Variants in ACAP1 observed in about 807,000 individuals in gnomAD.
ACAP1 encodes the protein arf-GAP with coiled-coil, ANK repeat and PH domain-containing protein 1.
ACAP1 carries 45 observed loss-of-function variants against 98.8 expected under a neutral mutation model. That is an observed-to-expected ratio of 0.46 (90% CI 0.36 to 0.58). The LOEUF (loss-of-function observed/expected upper bound fraction) is 0.58, where lower values mean the gene tolerates loss of function less well. Ranked by LOEUF, ACAP1 falls within the 20% of genes least tolerant of loss-of-function variation. The pLI is 0.00. For missense variants in ACAP1, 735 were observed against 971.4 expected, an observed-to-expected ratio of 0.76 and a Z score of 3.24; for synonymous variants, 362 against 375.3, an observed-to-expected ratio of 0.96 and a Z score of 0.41.
chr17:7,336,617 C>T lies in ACAP1; in HGVS notation c.-118C>T, dbSNP rs186935110. On this transcript the variant is annotated 5_prime_UTR_variant, in exon 1 of 22. Coordinates refer to ENST00000158762, the MANE Select transcript of ACAP1 (RefSeq NM_014716.4). ...AATTGTGCCCCCAGGCCCTTCCCCG[C>T]GGAGGTCCCTCTCCTCCTTCCCCCT... The T allele has an allele frequency of 1.4e-4, 152 of 1,067,304 alleles. No individual in the cohort carries two copies. The Middle Eastern group carries it at 2.9e-3, about 20-fold the overall frequency. The allele number at this position is 1,067,304 out of a possible 1,614,324, so 66.1% of individuals were successfully genotyped here.
intron 2 of ACAP1, among the ~76,000 whole-genome samples, chr17:7,340,431 G>A (rs902297996): frequency 2.6e-5 from 4 of 152,166 alleles, no homozygotes; most frequent in Non-Finnish European, 2.9e-5. Context: ...ACTCATCTAA[G>A]GGGGAGGGGC....
chr17:7,342,907 CAAAAAAAA>C (rs35515243), intron 5 of ACAP1: 8 of 69,044 alleles, frequency 1.2e-4, no homozygotes, highest in East Asian at 9.9e-4. Context: ...GACTCTGCCT[CAAAAAAAA>C]AAAAAAAAAA....
At chr17:7,337,487 A>G in intron 2 of ACAP1, 118 bp downstream of exon 2, 2 of 954,274 alleles carry the variant, frequency 2.1e-6, no homozygotes, top group South Asian at 2.9e-5. Flanking sequence ...TGTAGGGGAG[A>G]TATTTTGGAG....
In ACAP1 at chr17:7,350,934, A is replaced by C. The variant is rs769819034; in HGVS notation, c.2073-16A>C. The C allele has an allele frequency of 1.2e-6, 2 of 1,613,988 alleles. No individual in the cohort carries two copies. Among genetic ancestry groups the C allele is most frequent in the Non-Finnish European group, 1.7e-6 (2 of 1,179,910 alleles). ...CAAAGATAGTGTCGTTCATTTCTTAATTCCCTCCTCTTCAGGCTACGACTG... is the reference window on the plus strand; with the variant it reads ...CAAAGATAGTGTCGTTCATTTCTTACTTCCCTCCTCTTCAGGCTACGACTG... On this transcript the variant is annotated splice_polypyrimidine_tract_variant and intron_variant, in intron 20 of 21. Coordinates refer to ENST00000158762, the MANE Select transcript of ACAP1 (RefSeq NM_014716.4). This position sits in a 1 kb window ranked among gnomAD's most constrained non-coding sequence, Gnocchi z 4.6.
At chr17:7,345,023 G>A (rs1027404264) in intron 10 of ACAP1, among the ~76,000 whole-genome samples, 3 of 152,186 alleles carry the variant, frequency 2.0e-5, no homozygotes, top group Non-Finnish European at 4.4e-5. Flanking sequence ...TAGCTGGGGA[G>A]TTGGAAGAGC....
At position 7,336,575 on chromosome 17, in the gene ACAP1, T is replaced by A; in HGVS notation, c.-160T>A. The A allele has an allele frequency of 1.4e-4, 93 of 662,312 alleles. No homozygotes were observed. The highest frequency in any genetic ancestry group is 2.0e-4 in the East Asian group (7 of 34,326). 41.0% of individuals were successfully genotyped at this position (662,312 alleles called of 1,614,324 possible). A position where few individuals can be genotyped will look rare whatever the true frequency, so the allele number is the denominator to read the frequency against. On this transcript the variant is annotated 5_prime_UTR_variant, in exon 1 of 22. Coordinates refer to ENST00000158762, the MANE Select transcript of ACAP1 (RefSeq NM_014716.4). Reference sequence around the variant, plus strand: ...GTGAGAGCTCCTCCTAGGACACCCCTTTCCCCTTGGGGAAAGAATTGTGCC... The same window carrying A: ...GTGAGAGCTCCTCCTAGGACACCCCATTCCCCTTGGGGAAAGAATTGTGCC...
At position 7,344,100 on chromosome 17, in the gene ACAP1, A is replaced by C. The variant is rs919213408; in HGVS notation, c.721A>C (p.Arg241=). 6 of 1,584,182 alleles carry C rather than the reference A, an allele frequency of 3.8e-6. No individual in the cohort carries two copies. In the African/African-American group the frequency reaches 6.8e-5, roughly 18 times the overall value. Residue 241 remains arginine (R), a synonymous_variant, in exon 9 of 22, where the codon AGA becomes CGA. Transcript: ENST00000158762. This position sits in a 1 kb window ranked among gnomAD's most constrained non-coding sequence, Gnocchi z 4.9. The stretch of plus-strand genomic sequence containing the variant: ...ACGAGAGAAGAGGGACATGGAGCAG[A>C]GACACGTGCTGCTGAAACAGAAGGT... ...SAREKRDMEQ[R]HVLLKQKELG...
chr17:7,337,394 C>T (rs748371752), intron 2 of ACAP1, 25 bp downstream of exon 2: 1 of 1,610,676 alleles, frequency 6.2e-7, no homozygotes, highest in Non-Finnish European at 8.5e-7. Flanking sequence ...GAGAGGTGAC[C>T]CAGGAGTGGA....
In ACAP1 at chr17:7,336,705, G is replaced by A. The variant is rs779651586; in HGVS notation, c.-30G>A. 1.2e-6 allele frequency: 2 copies of A among 1,613,596 alleles called. No homozygotes were observed. Among genetic ancestry groups the A allele is most frequent in the Non-Finnish European group, 1.7e-6 (2 of 1,179,728 alleles). ...CATCCCCAGGGGCCCGGCCTCCAGG[G>A]CCCGCTGGCCCCACAGCAGGCAAGC... On this transcript the variant is annotated 5_prime_UTR_variant, in exon 1 of 22. Coordinates refer to ENST00000158762, the MANE Select transcript of ACAP1 (RefSeq NM_014716.4).
chr17:7,348,078 C>T, intron 15 of ACAP1, 49 bp from the exon 16 acceptor site: 1 of 1,610,670 alleles, frequency 6.2e-7, no homozygotes, highest in Non-Finnish European at 8.5e-7. Context: ...CCTGAGGAGT[C>T]ACTCACCCCC....
In ACAP1 at chr17:7,343,452, C is replaced by A; in HGVS notation, c.418C>A (p.His140Asn). 1 of 1,614,132 alleles carries A rather than the reference C, an allele frequency of 6.2e-7. No homozygotes were observed. Among genetic ancestry groups the A allele is most frequent in the Non-Finnish European group, 8.5e-7 (1 of 1,180,028 alleles). Residue 140 changes from histidine (H) to asparagine (N), a missense_variant, in exon 6 of 22, where the codon CAC (histidine) becomes AAC (asparagine). Coordinates refer to ENST00000158762, the MANE Select transcript of ACAP1 (RefSeq NM_014716.4). This position sits in a 1 kb window ranked among gnomAD's most constrained non-coding sequence, Gnocchi z 4.9. ...TGAGAGCCTGGAGGCTGCCCTGACC[C>A]ACAACGCAGAGGTTCCCAGGCGCCG... Reference protein sequence around the residue: ...GAESLEAALTHNAEVPRRRAQ... With the variant: ...GAESLEAALTNNAEVPRRRAQ...
chr17:7,346,997 C>A (rs1239899874), intron 13 of ACAP1, 34 bp from the exon 14 acceptor site: 2 of 1,570,558 alleles, frequency 1.3e-6, no homozygotes, highest in African/African-American at 2.7e-5. Flanking sequence ...ACCCTAGGCC[C>A]CTTGGCCACC....
Position 7,341,233 on chromosome 17 carries a change from C to G in ACAP1, c.112-715C>G, listed in dbSNP as rs570917208. Among the ~76,000 whole-genome samples the G allele has an allele frequency of 2.6e-5, 4 of 152,308 alleles. No individual in the cohort carries two copies. In the East Asian group the frequency reaches 7.7e-4, roughly 29 times the overall value. On this transcript the variant is annotated intron_variant, in intron 2 of 21. Transcript: ENST00000158762. Reference sequence around the variant, plus strand: ...TAGCGCCATCTCGGCTCACTGCAGCCTTGACCTCCCGGATTCAGGCAGTCC... The same window carrying G: ...TAGCGCCATCTCGGCTCACTGCAGCGTTGACCTCCCGGATTCAGGCAGTCC...
chr17:7,339,009 G>T (rs902880534), intron 2 of ACAP1, among the ~76,000 whole-genome samples: 1 of 151,882 alleles, frequency 6.6e-6, no homozygotes, highest in African/African-American at 2.4e-5. Context: ...CAATAAACTC[G>T]GCCAGGTGTG....
rs2073389052 is a variant in ACAP1 at position 7,350,149 on chromosome 17, CGGGGAGCTGATCTGGG to C, written c.1987_2002del (p.Gly663LeufsTer10). On this transcript the variant is annotated frameshift_variant, in exon 20 of 22. Coordinates refer to ENST00000158762, the MANE Select transcript of ACAP1 (RefSeq NM_014716.4). LOFTEE classifies it high-confidence loss of function. This position sits in a 1 kb window ranked among gnomAD's most constrained non-coding sequence, Gnocchi z 4.6. ...CAGGCTCGCCTGCCTGTTCCTGAAA[CGGGGAGCTGATCTGGG>C]GGCTCGAGACTCTGAAGGCAGGGAC... The C allele has an allele frequency of 1.9e-6, 3 of 1,614,050 alleles. No individual in the cohort carries two copies. The African/African-American group carries it at 4.0e-5, about 22-fold the overall frequency.
chr17:7,337,219 TC>T, intron 1 of ACAP1, 92 bp from the exon 2 acceptor site: 1 of 1,223,224 alleles, frequency 8.2e-7, no homozygotes, highest in Non-Finnish European at 1.2e-6. Context: ...AGCTTTCTCC[TC>T]CGTACCCACC....
chr17:7,336,649 C>G lies in ACAP1; in HGVS notation c.-86C>G. The G allele has an allele frequency of 7.6e-6, 11 of 1,438,524 alleles. No individual in the cohort carries two copies. Among genetic ancestry groups the G allele is most frequent in the Non-Finnish European group, 1.1e-5 (11 of 1,022,786 alleles). 89.1% of individuals were successfully genotyped at this position (1,438,524 alleles called of 1,614,324 possible). A position where few individuals can be genotyped will look rare whatever the true frequency, so the allele number is the denominator to read the frequency against. The stretch of plus-strand genomic sequence containing the variant: ...CCCTCTCCTCCTTCCCCCTCATCTC[C>G]CCTTCCTGGGACAGAAAGTGCCTCC... On this transcript the variant is annotated 5_prime_UTR_variant, in exon 1 of 22. Coordinates refer to ENST00000158762, the MANE Select transcript of ACAP1 (RefSeq NM_014716.4).
At chr17:7,342,191 G>A in intron 3 of ACAP1, 84 bp from the exon 4 acceptor site, 1 of 1,607,626 alleles carries the variant, frequency 6.2e-7, no homozygotes, top group Non-Finnish European at 8.5e-7. Flanking sequence ...TGCTGTCCAT[G>A]ACAGCCGTAG....
rs773740537 is a variant in ACAP1, at chr17:7,343,581, C to T, written c.528+19C>T. On this transcript the variant is annotated intron_variant, in intron 6 of 21. Coordinates refer to ENST00000158762, the MANE Select transcript of ACAP1 (RefSeq NM_014716.4). This position sits in a 1 kb window ranked among gnomAD's most constrained non-coding sequence, Gnocchi z 4.9. ...CCTGCAGGTGCCTGCCCCAATCTGT[C>T]TTCCTGGGGTACCAGAGCCTCAAGT... The T allele has an allele frequency of 5.0e-6, 8 of 1,605,012 alleles. No homozygotes were observed. Among genetic ancestry groups the T allele is most frequent in the Middle Eastern group, 1.7e-4 (1 of 6,022 alleles).
Sources: gnomAD v4.1 joint callset for allele counts (sites outside exome capture counted in the v4.1 genomes callset) on GRCh38, gnomAD v4.1.1 for gene constraint, Gnocchi (gnomAD v3.1) non-coding constraint, MANE v1.5 for transcripts, NCBI Gene and HGNC (gene_info 2026-07-23, HGNC 2026-07-21) for gene names.